TENM3: variants seen among roughly 807,000 people sequenced by gnomAD.
TENM3 encodes teneurin transmembrane protein 3, also known as teneurin-3.
In TENM3, 63 loss-of-function variants were observed where a neutral mutation model predicts 255.1. The observed-to-expected ratio is 0.25, with a 90% CI of 0.20 to 0.30. The LOEUF (loss-of-function observed/expected upper bound fraction) is 0.30. TENM3 is among the 10% of genes least tolerant of loss of function. The probability of loss-of-function intolerance (pLI) is 1.00; values close to 1 mark genes in which losing one functional copy is unlikely to be tolerated. For synonymous variants in TENM3, 1,306 were observed against 1,322.3 expected, an observed-to-expected ratio of 0.99 and a Z score of 0.27; for missense variants, 2,929 against 3,461.1, an observed-to-expected ratio of 0.85 and a Z score of 3.86.
the TENM3 span, among the ~76,000 whole-genome samples, chr4:182,043,903 C>T: frequency 1.3e-5 from 2 of 152,166 alleles, no homozygotes; most frequent in African/African-American, 4.8e-5. Flanking sequence ...ACACGCCATC[C>T]TCCCCTTGTC....
the TENM3 span, among the ~76,000 whole-genome samples, chr4:182,119,950 C>A: frequency 6.6e-6 from 1 of 152,180 alleles, no homozygotes; most frequent in South Asian, 2.1e-4. Flanking sequence ...GATCCTCCTG[C>A]CTCAGCCTCT....
rs554942088 is a variant in TENM3, at chr4:182,547,975, T to C, written c.512-52949T>C. Reference sequence around the variant, plus strand: ...GCTCGTGCCTCGAGTCCCAGCACTTTGGGAGGTCAAGGTGGGAGGATCAGT... The same window carrying C: ...GCTCGTGCCTCGAGTCCCAGCACTTCGGGAGGTCAAGGTGGGAGGATCAGT... On this transcript the variant is annotated intron_variant, in intron 3 of 27. Coordinates refer to ENST00000511685, the MANE Select transcript of TENM3 (RefSeq NM_001080477.4). Among the ~76,000 whole-genome samples, 391 of 152,134 alleles carry C rather than the reference T, an allele frequency of 2.6e-3. 6 individuals are homozygous for C. Among genetic ancestry groups the C allele is most frequent in the African/African-American group, 9.1e-3 (378 of 41,462 alleles).
At chr4:181,873,967 T>G in the TENM3 span, among the ~76,000 whole-genome samples, 2 of 152,134 alleles carry the variant, frequency 1.3e-5, no homozygotes, top group African/African-American at 4.8e-5. Context: ...GTATTTTTAA[T>G]AGAGACAGGG....
At chr4:181,589,952 CT>C in the TENM3 span, among the ~76,000 whole-genome samples, 1 of 152,292 alleles carries the variant, frequency 6.6e-6, no homozygotes, top group Admixed American at 6.5e-5. Context: ...GCCTGATCTA[CT>C]TGCCCCTCCC....
the TENM3 span, among the ~76,000 whole-genome samples, chr4:181,625,248 G>T: frequency 6.6e-6 from 1 of 152,160 alleles, no homozygotes; most frequent in Non-Finnish European, 1.5e-5. Context: ...TTTGGGGTCC[G>T]CCTTGAGAAT....
At chr4:182,585,027 T>A (rs1044422385) in intron 3 of TENM3, among the ~76,000 whole-genome samples, 4 of 152,206 alleles carry the variant, frequency 2.6e-5, no homozygotes, top group Admixed American at 2.0e-4. Flanking sequence ...ATGGATATAC[T>A]AACATGTAAA....
chr4:182,337,257 T>C (rs1214993142), intron 2 of TENM3, among the ~76,000 whole-genome samples: 2 of 152,036 alleles, frequency 1.3e-5, no homozygotes, highest in Non-Finnish European at 2.9e-5. Flanking sequence ...TTTAAGAAAA[T>C]GAAAAGCAAA....
intron 1 of TENM3, among the ~76,000 whole-genome samples, chr4:182,162,407 T>G (rs1425413587): frequency 1.3e-5 from 2 of 152,100 alleles, no homozygotes; most frequent in Admixed American, 6.5e-5. Flanking sequence ...GTGTAATAAT[T>G]AGACAAACTA....
At chr4:182,628,297 A>G (rs1751026299) in intron 4 of TENM3, among the ~76,000 whole-genome samples, 1 of 152,176 alleles carries the variant, frequency 6.6e-6, no homozygotes, top group Non-Finnish European at 1.5e-5. Flanking sequence ...TCTTAGGGTA[A>G]TTCATCAAGG....
the TENM3 span, among the ~76,000 whole-genome samples, chr4:182,041,217 C>G: frequency 6.6e-6 from 1 of 152,018 alleles, no homozygotes; most frequent in East Asian, 1.9e-4. Flanking sequence ...ATGTGTGTGT[C>G]TATCCCTACA....
the TENM3 span, among the ~76,000 whole-genome samples, chr4:181,711,928 T>C: frequency 6.6e-6 from 1 of 152,218 alleles, no homozygotes; most frequent in Admixed American, 6.5e-5. Context: ...GAACAGAGCC[T>C]GGCCTGTGAT....
chr4:182,494,508 T>C (rs1189600296), intron 3 of TENM3, among the ~76,000 whole-genome samples: 1 of 152,192 alleles, frequency 6.6e-6, no homozygotes, highest in African/African-American at 2.4e-5. Context: ...CAAGTATATA[T>C]AGCGTTCAGT....
chr4:181,892,260 C>T, the TENM3 span, among the ~76,000 whole-genome samples: 1 of 152,218 alleles, frequency 6.6e-6, no homozygotes, highest in Non-Finnish European at 1.5e-5. Context: ...ATCCCACACT[C>T]AGGTAGCCAC....
At chr4:181,886,209 C>T in the TENM3 span, among the ~76,000 whole-genome samples, 2 of 152,088 alleles carry the variant, frequency 1.3e-5, no homozygotes, top group African/African-American at 4.8e-5. Flanking sequence ...CGTGCCACCA[C>T]ACCCAGCTAA....
At chr4:182,066,871 G>C in the TENM3 span, among the ~76,000 whole-genome samples, 2 of 152,026 alleles carry the variant, frequency 1.3e-5, no homozygotes, top group Non-Finnish European at 2.9e-5. Flanking sequence ...AGATCGCACC[G>C]CTGCACTCCA....
rs189900959 is a variant in TENM3 at position 182,777,082 on chromosome 4, C to T, written c.5304+1929C>T. ...TGAAAATCTGGTTTAAGGACTGAGC[C>T]TGGAGTCTGCCAAAATAGAGAAGAG... is the stretch of plus-strand genomic sequence containing the variant. On this transcript the variant is annotated intron_variant, in intron 24 of 27. Transcript: ENST00000511685. 4.5e-3 allele frequency among the ~76,000 whole-genome samples: 686 copies of T among 152,092 alleles called. 4 individuals are homozygous for T. The highest frequency in any genetic ancestry group is 7.5e-3 in the Non-Finnish European group (510 of 67,976).
intron 1 of TENM3, among the ~76,000 whole-genome samples, chr4:182,285,879 C>T (rs1306520781): frequency 6.6e-6 from 1 of 152,062 alleles, no homozygotes; most frequent in Non-Finnish European, 1.5e-5. Flanking sequence ...AGCCTTTAAA[C>T]AACTTGCAGA....
At chr4:182,095,843 A>G in the TENM3 span, among the ~76,000 whole-genome samples, 6 of 152,234 alleles carry the variant, frequency 3.9e-5, no homozygotes, top group South Asian at 6.2e-4. Context: ...ATAAATATGT[A>G]TAACTATTAT....
intron 3 of TENM3, among the ~76,000 whole-genome samples, chr4:182,441,341 AAG>A (rs758209781): frequency 2.4e-4 from 37 of 152,316 alleles, no homozygotes; most frequent in Non-Finnish European, 2.8e-4. Flanking sequence ...GACAGACAGA[AAG>A]AGAAAAAGAA....
Sources: allele counts gnomAD v4.1 joint callset (sites outside exome capture counted in the v4.1 genomes callset), GRCh38; gene constraint gnomAD v4.1.1; transcripts MANE v1.5; gene names NCBI Gene and HGNC (gene_info 2026-07-23, HGNC 2026-07-21).